The following ZFHX3 variants were observed in gnomAD, a reference collection of about 807,000 sequenced individuals.
The protein encoded by ZFHX3 is zinc finger homeobox 3.
In ZFHX3, 42 loss-of-function variants were observed where a neutral mutation model predicts 279.1. That is an observed-to-expected ratio of 0.15 (90% confidence interval 0.12 to 0.19). The LOEUF is 0.19. ZFHX3 is among the 10% of genes least tolerant of loss of function. The pLI is 1.00. For synonymous variants in ZFHX3, 2,293 were observed against 1,957.8 expected, an observed-to-expected ratio of 1.17 and a Z score of -4.52; for missense variants, 4,981 against 4,754.0, an observed-to-expected ratio of 1.05 and a Z score of -1.40.
intron 2 of ZFHX3, among the ~76,000 whole-genome samples, chr16:73,457,047 A>G (rs942953035): frequency 1.3e-5 from 2 of 152,336 alleles, no homozygotes; most frequent in Admixed American, 1.3e-4. Flanking sequence ...TTGGTTAGAA[A>G]TGGAGGTAAA....
At chr16:73,811,808 A>G (rs1960435016) in intron 1 of ZFHX3, among the ~76,000 whole-genome samples, 1 of 151,926 alleles carries the variant, frequency 6.6e-6, no homozygotes, top group African/African-American at 2.4e-5. Context: ...CTCTGTTGTG[A>G]TGCTATCTTT....
intron 5 of ZFHX3, among the ~76,000 whole-genome samples, chr16:73,198,104 A>G (rs1197169971): frequency 1.3e-5 from 2 of 151,432 alleles, no homozygotes; most frequent in African/African-American, 4.9e-5. Flanking sequence ...TGACCGGCTA[A>G]TTTTTTGTAT....
intron 3 of ZFHX3, among the ~76,000 whole-genome samples, chr16:73,440,329 C>T (rs1049109611): frequency 4.6e-5 from 7 of 152,184 alleles, no homozygotes; most frequent in African/African-American, 1.4e-4. Flanking sequence ...GTCCAAGAGG[C>T]ATTTGAGTCC....
At chr16:73,743,843 C>G (rs1166916423) in intron 1 of ZFHX3, among the ~76,000 whole-genome samples, 1 of 152,090 alleles carries the variant, frequency 6.6e-6, no homozygotes, top group East Asian at 1.9e-4. Flanking sequence ...CAAACAGCTG[C>G]AGACACAACT....
rs2143290817 is a variant in ZFHX3 at position 72,787,970 on chromosome 16, G to A, written c.10306C>T (p.Pro3436Ser). The A allele has an allele frequency of 6.2e-7, 1 of 1,613,674 alleles. No individual in the cohort carries two copies. Among genetic ancestry groups the A allele is most frequent in the South Asian group, 1.1e-5 (1 of 91,040 alleles). The change falls in exon 10 of 10, where the codon CCG becomes TCG. Residue 3436 changes from proline (P) to serine (S), a missense_variant. Physicochemically the swap from Pro to Ser is moderately conservative, Grantham distance 74. This residue lies in a region of ZFHX3 where 1,034 missense variants were observed against 786.0 expected (regional missense o/e 1.32). Coordinates refer to ENST00000268489, the MANE Select transcript of ZFHX3 (RefSeq NM_006885.4). ...NTPREVSPLL[P>S]KLPEEPEAES... Reference sequence around the variant, plus strand: ...GCTTCTGGCTCTTCAGGGAGTTTCGGCAGGAGGGGGGACACCTCACGGGGG... The same window carrying A: ...GCTTCTGGCTCTTCAGGGAGTTTCGACAGGAGGGGGGACACCTCACGGGGG...
intron 2 of ZFHX3, among the ~76,000 whole-genome samples, chr16:73,468,214 C>T (rs1047286396): frequency 2.6e-5 from 4 of 152,172 alleles, no homozygotes; most frequent in African/African-American, 4.8e-5. Flanking sequence ...TCCTGCTCAT[C>T]GCCCACACCT....
intron 2 of ZFHX3, among the ~76,000 whole-genome samples, chr16:73,668,427 G>A (rs1188088365): frequency 1.3e-5 from 2 of 151,966 alleles, no homozygotes; most frequent in Non-Finnish European, 2.9e-5. Flanking sequence ...TCGACATTAG[G>A]TATTTCTCCT....
At chr16:72,866,187 G>C (rs1018695485) in intron 4 of ZFHX3, among the ~76,000 whole-genome samples, 1 of 152,198 alleles carries the variant, frequency 6.6e-6, no homozygotes, top group Non-Finnish European at 1.5e-5. Flanking sequence ...TCCTTTGGCA[G>C]ATACACAGAG....
chr16:73,469,691 CACTGCA>C (rs559938814), intron 2 of ZFHX3, among the ~76,000 whole-genome samples: 1 of 152,204 alleles, frequency 6.6e-6, no homozygotes, highest in East Asian at 1.9e-4. Context: ...GATCTCGACT[CACTGCA>C]ACCTCTGCTG....
intron 2 of ZFHX3, among the ~76,000 whole-genome samples, chr16:73,458,636 C>G (rs111686642): frequency 2.2e-4 from 33 of 152,220 alleles, no homozygotes; most frequent in Middle Eastern, 3.4e-3. Context: ...TTGAACTGCT[C>G]TTTAGACCCC....
At chr16:73,491,048 G>A (rs145126513) in intron 2 of ZFHX3, among the ~76,000 whole-genome samples, 13 of 152,266 alleles carry the variant, frequency 8.5e-5, no homozygotes, top group African/African-American at 2.9e-4. Context: ...AAATGTCATC[G>A]AAATATTCTT....
intron 3 of ZFHX3, among the ~76,000 whole-genome samples, chr16:73,437,301 A>C (rs2018014711): frequency 6.6e-6 from 1 of 152,198 alleles, no homozygotes; most frequent in Non-Finnish European, 1.5e-5. Flanking sequence ...CAAGGACAAA[A>C]TGCTCAGTTC....
chr16:73,493,165 A>AT (rs2019082554), intron 2 of ZFHX3, among the ~76,000 whole-genome samples: 1 of 151,600 alleles, frequency 6.6e-6, no homozygotes, highest in Non-Finnish European at 1.5e-5. Flanking sequence ...TGTGTCACCT[A>AT]TTTTTTGCAG....
chr16:72,876,197 T>C (rs774799263), intron 4 of ZFHX3, among the ~76,000 whole-genome samples: 14 of 152,184 alleles, frequency 9.2e-5, no homozygotes, highest in Non-Finnish European at 2.1e-4. Context: ...GGTTCAAATA[T>C]TTCATTGAGA....
At chr16:72,897,322 C>T (rs544210308) in intron 3 of ZFHX3, among the ~76,000 whole-genome samples, 2 of 152,244 alleles carry the variant, frequency 1.3e-5, no homozygotes, top group East Asian at 3.9e-4. Context: ...AAGATGGGGA[C>T]CAGTAAGTCT....
chr16:73,660,263 CA>C (rs2052767205), intron 2 of ZFHX3, among the ~76,000 whole-genome samples: 1 of 152,120 alleles, frequency 6.6e-6, no homozygotes, highest in Non-Finnish European at 1.5e-5. Context: ...CTTTTAAAAG[CA>C]AAGGATTTCT....
intron 2 of ZFHX3, among the ~76,000 whole-genome samples, chr16:73,603,263 C>G (rs1776115523): frequency 7.1e-6 from 1 of 141,394 alleles, no homozygotes; most frequent in South Asian, 2.2e-4. Context: ...CCAGCCTGGG[C>G]AACAGAGCGA....
intron 1 of ZFHX3, among the ~76,000 whole-genome samples, chr16:73,681,688 G>C (rs914196781): frequency 1.3e-5 from 2 of 152,142 alleles, no homozygotes; most frequent in African/African-American, 4.8e-5. Flanking sequence ...ACCTGATCCT[G>C]TTCTCCGGAC....
At chr16:73,688,220 A>T (rs532417926) in intron 1 of ZFHX3, among the ~76,000 whole-genome samples, 1 of 152,070 alleles carries the variant, frequency 6.6e-6, no homozygotes, top group South Asian at 2.1e-4. Flanking sequence ...AACCAGGCAT[A>T]GTGGCACATG....
Sources: gnomAD v4.1 joint callset for allele counts (sites outside exome capture counted in the v4.1 genomes callset) on GRCh38, gnomAD v4.1.1 for gene constraint, gnomAD v4.1.1 regional missense constraint, MANE v1.5 for transcripts, NCBI Gene and HGNC (gene_info 2026-07-23, HGNC 2026-07-21) for gene names.